Variants in NANS observed in about 807,000 individuals in gnomAD.
The protein encoded by NANS is N-acetylneuraminate synthase.
A neutral mutation model predicts 33.3 loss-of-function variants in NANS; 29 were observed. The observed-to-expected ratio is 0.87, with a 90% CI of 0.65 to 1.19. The LOEUF is 1.19. NANS is among the 50% of genes most tolerant of loss of function. The pLI is 0.00. For missense variants in NANS, 394 were observed against 461.1 expected (o/e 0.85, Z 1.33); for synonymous variants, 163 against 177.2 (o/e 0.92, Z 0.64).
At chr9:98,081,238 T>G in intron 5 of NANS, 156 bp downstream of exon 5, 1 of 943,834 alleles carries the variant, frequency 1.1e-6, no homozygotes, top group Non-Finnish European at 1.6e-6. Flanking sequence ...CAGGCTTCTC[T>G]TCAGTAATGC....
rs1220930964 is a variant in NANS, at chr9:98,082,896, A to G, written c.921A>G (p.Leu307=). 6.2e-7 allele frequency: 1 copy of G among 1,614,206 alleles called. No individual in the cohort carries two copies. Among genetic ancestry groups the G allele is most frequent in the South Asian group, 1.1e-5 (1 of 91,086 alleles). Residue 307 remains leucine, a synonymous_variant, in exon 6 of 6, where the codon CTA becomes CTG. Coordinates refer to ENST00000210444, the MANE Select transcript of NANS (RefSeq NM_018946.4). ...TGAAAATTCCGGAAGGCACCATTCT[A>G]ACAATGGACATGCTCACCGTGAAGG... The part of the protein sequence containing the change: ...AKVKIPEGTI[L]TMDMLTVKVG...
At chr9:98,078,387 C>T (rs937478896) in intron 4 of NANS, 40 bp downstream of exon 4, 26 of 1,597,872 alleles carry the variant, frequency 1.6e-5, no homozygotes, top group Non-Finnish European at 2.2e-5. Flanking sequence ...GGGCCATTTA[C>T]TATGGGGAAG....
chr9:98,073,908 T>A (rs1829465762), intron 2 of NANS, among the ~76,000 whole-genome samples: 1 of 152,152 alleles, frequency 6.6e-6, no homozygotes, highest in African/African-American at 2.4e-5. Flanking sequence ...CACTTCAGCC[T>A]CCTGAGTAGC....
chr9:98,063,125 A>G (rs1587906195), intron 2 of NANS, among the ~76,000 whole-genome samples: 3 of 151,512 alleles, frequency 2.0e-5, no homozygotes, highest in Non-Finnish European at 4.4e-5. Flanking sequence ...ACAGGGTTTC[A>G]CCATGTTAGC....
At chr9:98,078,020 C>T (rs1409327035) in intron 3 of NANS, 173 bp from the exon 4 acceptor site, 10 of 885,786 alleles carry the variant, frequency 1.1e-5, no homozygotes, top group African/African-American at 5.1e-5. Flanking sequence ...TTCCTGTGGC[C>T]GAGGGCAGGA....
At position 98,080,922 on chromosome 9, in the gene NANS, G is replaced by A. The variant is rs1829825424; in HGVS notation, c.710G>A (p.Arg237His). 7 of 1,614,082 alleles carry A rather than the reference G, an allele frequency of 4.3e-6. No individual in the cohort carries two copies. The highest frequency in any genetic ancestry group is 1.3e-5 in the African/African-American group (1 of 74,926). Residue 237 changes from arginine (R) to histidine (H), a missense_variant, in exon 5 of 6, where the codon CGT becomes CAT. Coordinates refer to ENST00000210444, the MANE Select transcript of NANS (RefSeq NM_018946.4). ...GCTCTGGGGGCCAAGGTGTTGGAACGTCACATAACTTTGGACAAGACCTGG... is the reference window on the plus strand; with the variant it reads ...GCTCTGGGGGCCAAGGTGTTGGAACATCACATAACTTTGGACAAGACCTGG... ...AVALGAKVLE[R>H]HITLDKTWKG...
intron 2 of NANS, among the ~76,000 whole-genome samples, chr9:98,073,458 T>C (rs1392209610): frequency 6.6e-6 from 1 of 151,652 alleles, no homozygotes; most frequent in Non-Finnish European, 1.5e-5. Context: ...CTAATTTTTG[T>C]ATTTTTAGTA....
chr9:98,081,158 A>C, intron 5 of NANS, 76 bp downstream of exon 5: 3 of 1,568,482 alleles, frequency 1.9e-6, no homozygotes, highest in Non-Finnish European at 2.6e-6. Flanking sequence ...AGGGATGGTC[A>C]GGACCAGCCC....
intron 4 of NANS, 121 bp downstream of exon 4, chr9:98,078,468 T>C: frequency 7.9e-7 from 1 of 1,269,390 alleles, no homozygotes; most frequent in Non-Finnish European, 1.1e-6. Context: ...CCTTTGACAG[T>C]CTTGCTGTTA....
chr9:98,072,115 C>CT (rs1491452492), intron 2 of NANS, among the ~76,000 whole-genome samples: 6 of 152,184 alleles, frequency 3.9e-5, no homozygotes, highest in Non-Finnish European at 7.3e-5. Context: ...GGTGCTCACA[C>CT]TCTGTGTGGC....
At chr9:98,077,163 G>C (rs779206025) in intron 3 of NANS, 146 bp downstream of exon 3, 69 of 637,204 alleles carry the variant, frequency 1.1e-4, no homozygotes, top group Non-Finnish European at 1.7e-4. Flanking sequence ...GGGTCTCGCT[G>C]TGTTGGCCAG....
In NANS at chr9:98,073,582, C is replaced by T. The variant is rs541017766; in HGVS notation, c.349-3336C>T. On this transcript the variant is annotated intron_variant, in intron 2 of 5. Transcript: ENST00000210444. ...ACAGGCGTGAGCCACCGCGCCTGGC[C>T]TGGGCTTCTTTTTTTTTTTTTCCAA... Among the ~76,000 whole-genome samples the T allele has an allele frequency of 1.3e-5, 2 of 150,690 alleles. 1 individual carries two copies. The highest frequency in any genetic ancestry group is 4.2e-4 in the South Asian group (2 of 4,770).
chr9:98,080,291 C>T (rs1829795932), intron 4 of NANS, among the ~76,000 whole-genome samples: 1 of 152,200 alleles, frequency 6.6e-6, no homozygotes, highest in Non-Finnish European at 1.5e-5. Context: ...TTTCTGGTCA[C>T]CCTCACCAAC....
intron 2 of NANS, 125 bp from the exon 3 acceptor site, chr9:98,076,793 G>GTTGC (rs1360944410): frequency 2.9e-6 from 2 of 695,344 alleles, no homozygotes; most frequent in Non-Finnish European, 4.9e-6. Context: ...CTGCTTTCAA[G>GTTGC]TTGCTGAGCG....
At chr9:98,071,834 C>T (rs1048803180) in intron 2 of NANS, among the ~76,000 whole-genome samples, 1 of 152,220 alleles carries the variant, frequency 6.6e-6, no homozygotes, top group Non-Finnish European at 1.5e-5. Flanking sequence ...GTCCACGTTT[C>T]CTGGAAATGC....
Position 98,056,759 on chromosome 9 carries a change from G to A in NANS, c.-50G>A. On this transcript the variant is annotated 5_prime_UTR_variant, in exon 1 of 6. Coordinates refer to ENST00000210444, the MANE Select transcript of NANS (RefSeq NM_018946.4). Reference sequence around the variant, plus strand: ...AGAACAGAGTAGAGGCGGCGGCGGCGGCGGCCGGACCCAGACTGGTAGTGA... The same window carrying A: ...AGAACAGAGTAGAGGCGGCGGCGGCAGCGGCCGGACCCAGACTGGTAGTGA... 1.3e-6 allele frequency: 2 copies of A among 1,589,210 alleles called. No individual in the cohort carries two copies. Among genetic ancestry groups the A allele is most frequent in the Non-Finnish European group, 1.7e-6 (2 of 1,171,690 alleles).
chr9:98,058,230 C>T (rs957072663), intron 1 of NANS, among the ~76,000 whole-genome samples: 4 of 152,050 alleles, frequency 2.6e-5, no homozygotes, highest in Admixed American at 6.6e-5. Flanking sequence ...GCTGTTCCTT[C>T]GGGACTGGTT....
chr9:98,060,670 C>CTAAA (rs1011642515), intron 1 of NANS, 112 bp from the exon 2 acceptor site: 61 of 1,064,636 alleles, frequency 5.7e-5, no homozygotes, highest in Middle Eastern at 2.3e-4. Flanking sequence ...AACTCTGTCT[C>CTAAA]TAAATAAATA....
Position 98,076,848 on chromosome 9 carries a change from T to C in NANS, c.349-70T>C, listed in dbSNP as rs115214300. ...GAGGGGTTTTTCTACTTGTATGTTA[T>C]TCCTTGCCTGTCATAACAACAGTGT... is the stretch of plus-strand genomic sequence containing the variant. On this transcript the variant is annotated intron_variant, in intron 2 of 5. Coordinates refer to ENST00000210444, the MANE Select transcript of NANS (RefSeq NM_018946.4). The C allele has an allele frequency of 1.0e-3, 1,290 of 1,285,482 alleles. 5 individuals are homozygous for C. The African/African-American group carries it at 0.015, about 15-fold the overall frequency. 79.6% of individuals were successfully genotyped at this position (1,285,482 alleles called of 1,614,324 possible).
Sources: allele counts gnomAD v4.1 joint callset (sites outside exome capture counted in the v4.1 genomes callset), GRCh38; gene constraint gnomAD v4.1.1; transcripts MANE v1.5; gene names NCBI Gene and HGNC (gene_info 2026-07-23, HGNC 2026-07-21).